The following NUDT6 variants were observed in gnomAD, a reference collection of about 807,000 sequenced individuals.
NUDT6 encodes the protein nudix hydrolase 6.
NUDT6 carries 24 observed loss-of-function variants against 36.8 expected under a neutral mutation model. That is an observed-to-expected ratio of 0.65 (90% confidence interval 0.47 to 0.92). NUDT6 has a LOEUF of 0.92. NUDT6 is among the 40% of genes least tolerant of loss of function. The pLI is 0.00. For missense variants in NUDT6, 388 were observed against 392.8 expected, an observed-to-expected ratio of 0.99 and a Z score of 0.10; for synonymous variants, 163 against 157.0, an observed-to-expected ratio of 1.04 and a Z score of -0.29.
chr4:122,914,498 G>C (rs867387885), intron 2 of NUDT6, among the ~76,000 whole-genome samples: 11 of 152,162 alleles, frequency 7.2e-5, no homozygotes, highest in Middle Eastern at 3.2e-3. Flanking sequence ...AGCACAATTT[G>C]AGCGACCTCT....
At chr4:122,911,128 C>T (rs1366334394) in intron 3 of NUDT6, among the ~76,000 whole-genome samples, 1 of 152,080 alleles carries the variant, frequency 6.6e-6, no homozygotes, top group Non-Finnish European at 1.5e-5. Flanking sequence ...GTTATAATAT[C>T]CACTCTGGGT....
chr4:122,907,544 G>A (rs1266950725), intron 3 of NUDT6, among the ~76,000 whole-genome samples: 5 of 147,576 alleles, frequency 3.4e-5, no homozygotes, highest in African/African-American at 1.2e-4. Context: ...TCCACCTCCC[G>A]GGTTCATGCC....
chr4:122,917,377 C>T lies in NUDT6; in HGVS notation c.442+124G>A, dbSNP rs1455316860. 1.1e-5 allele frequency: 9 copies of T among 856,882 alleles called. No homozygotes were observed. The Admixed American group carries it at 1.6e-4, about 15-fold the overall frequency. 53.1% of individuals were successfully genotyped at this position (856,882 alleles called of 1,614,324 possible). On this transcript the variant is annotated intron_variant, in intron 2 of 4. Coordinates refer to ENST00000304430, the MANE Select transcript of NUDT6 (RefSeq NM_007083.5). ...ACATCCTGTGCAGATAGGGTGGAAC[C>T]ACCGTAATCATTTAATCAAATAACT... is the stretch of plus-strand genomic sequence containing the variant.
intron 1 of NUDT6, chr4:122,920,275 A>G (rs1262952028): frequency 1.3e-5 from 2 of 152,194 alleles, no homozygotes; most frequent in Non-Finnish European, 2.9e-5. Flanking sequence ...TGCAGTAAGA[A>G]AGGTGTAGAG....
At chr4:122,893,865 T>C (rs1179675098) in intron 4 of NUDT6, 1 of 152,234 alleles carries the variant, frequency 6.6e-6, no homozygotes, top group Non-Finnish European at 1.5e-5. Context: ...TCTCCCAAAG[T>C]ATTTAGGAGA....
rs780435215 is a variant in NUDT6 at position 122,922,398 on chromosome 4, G to T, written c.175C>A (p.Arg59Ser). 1.9e-6 allele frequency: 3 copies of T among 1,609,182 alleles called. No individual in the cohort carries two copies. Among genetic ancestry groups the T allele is most frequent in the Non-Finnish European group, 2.5e-6 (3 of 1,179,670 alleles). ...TCCAGCGCATCGAGCCGCGCCAGGC[G>T]CACCGAGATGCCCCCGAATCTGTCC... ...ELDRFGGISV[R>S]LARLDALDRL... Residue 59 changes from arginine (R) to serine (S), a missense_variant, in exon 1 of 5, where the codon CGC becomes AGC. Arg to Ser is a moderately radical substitution (Grantham distance 110). Transcript: ENST00000304430.
At chr4:122,912,651 G>T in intron 2 of NUDT6, 28 bp from the exon 3 acceptor site, 2 of 1,372,838 alleles carry the variant, frequency 1.5e-6, no homozygotes, top group South Asian at 2.3e-5. Context: ...AAAGATAATT[G>T]AGAAATATTA....
intron 3 of NUDT6, 73 bp from the exon 4 acceptor site, chr4:122,897,751 C>T (rs1450978340): frequency 1.9e-6 from 2 of 1,056,236 alleles, no homozygotes; most frequent in Non-Finnish European, 3.0e-6. Context: ...TTCACAAAAT[C>T]CACCTATAAT....
Position 122,922,568 on chromosome 4 carries a change from C to G in NUDT6, c.5G>C (p.Arg2Pro), listed in dbSNP as rs754264116. ...CCAGCGGCCCCAGCTCAGTGGCTGC[C>G]GCATCTCCACGCCGCTTAATTCGTC... M[R>P]QPLSWGRWRA... The change falls in exon 1 of 5, where the codon CGG (arginine) becomes CCG (proline). Residue 2 changes from arginine to proline, a missense_variant. Arg to Pro is a moderately radical substitution (Grantham distance 103, BLOSUM62 -2). Transcript: ENST00000304430. 1.3e-6 allele frequency: 2 copies of G among 1,592,816 alleles called. No individual in the cohort carries two copies.
intron 2 of NUDT6, among the ~76,000 whole-genome samples, chr4:122,915,463 C>A (rs1727809886): frequency 1.1e-5 from 1 of 92,592 alleles, no homozygotes; most frequent in African/African-American, 5.2e-5. Flanking sequence ...AAGTGAGACC[C>A]TGCCTCAAAA....
chr4:122,899,044 ATTTT>A (rs113708696), intron 3 of NUDT6, among the ~76,000 whole-genome samples: 11 of 69,428 alleles, frequency 1.6e-4, no homozygotes, highest in Non-Finnish European at 3.0e-4. Flanking sequence ...ACCACACCTA[ATTTT>A]TTTTTTTTTT....
In NUDT6 at chr4:122,922,421, T is replaced by C. The variant is rs371717125; in HGVS notation, c.152A>G (p.Asp51Gly). 6 of 1,611,524 alleles carry C rather than the reference T, an allele frequency of 3.7e-6. No homozygotes were observed. The highest frequency in any genetic ancestry group is 5.1e-6 in the Non-Finnish European group (6 of 1,179,810). ...VGACDLQGEL[D>G]RFGGISVRLA... Reference sequence around the variant, plus strand: ...GCGCACCGAGATGCCCCCGAATCTGTCCAGCTCGCCCTGCAGATCGCACGC... The same window carrying C: ...GCGCACCGAGATGCCCCCGAATCTGCCCAGCTCGCCCTGCAGATCGCACGC... The change falls in exon 1 of 5, where the codon GAC (aspartate) becomes GGC (glycine). Residue 51 changes from aspartate (D) to glycine (G), a missense_variant. Coordinates refer to ENST00000304430, the MANE Select transcript of NUDT6 (RefSeq NM_007083.5).
rs1423313325 is a variant in NUDT6 at position 122,922,584 on chromosome 4, T to C, written c.-12A>G. 6.3e-7 allele frequency: 1 copy of C among 1,587,976 alleles called. No individual in the cohort carries two copies. The highest frequency in any genetic ancestry group is 8.5e-7 in the Non-Finnish European group (1 of 1,172,430). On this transcript the variant is annotated 5_prime_UTR_variant, in exon 1 of 5. Transcript: ENST00000304430. ...AGTGGCTGCCGCATCTCCACGCCGCTTAATTCGTCCGTTGCCCAAATGACC... is the reference window on the plus strand; with the variant it reads ...AGTGGCTGCCGCATCTCCACGCCGCCTAATTCGTCCGTTGCCCAAATGACC...
At chr4:122,907,146 TTTTGAGAC>T (rs1727631557) in intron 3 of NUDT6, among the ~76,000 whole-genome samples, 1 of 152,170 alleles carries the variant, frequency 6.6e-6, no homozygotes, top group Admixed American at 6.5e-5. Flanking sequence ...TCTTTCTTTT[TTTTGAGAC>T]GAGTCTCACT....
intron 1 of NUDT6, chr4:122,921,590 T>A (rs1223790392): frequency 2.0e-4 from 13 of 66,376 alleles, no homozygotes; most frequent in African/African-American, 8.4e-4. Flanking sequence ...AATGATACCC[T>A]CTCTCAAAAA....
intron 4 of NUDT6, chr4:122,893,616 C>T (rs181591190): frequency 1.0e-3 from 166 of 158,310 alleles, no homozygotes; most frequent in Admixed American, 2.8e-3. Context: ...AACTTAGATT[C>T]ATTTCTTCAA....
intron 3 of NUDT6, among the ~76,000 whole-genome samples, chr4:122,908,645 T>C (rs934077019): frequency 2.0e-5 from 3 of 152,230 alleles, no homozygotes; most frequent in Non-Finnish European, 2.9e-5. Context: ...CCTCTTGAGA[T>C]GCATTTCCCA....
chr4:122,896,035 T>C (rs1727340199), intron 4 of NUDT6: 1 of 152,618 alleles, frequency 6.6e-6, no homozygotes, highest in Admixed American at 6.5e-5. Context: ...GCTTTCAGGG[T>C]TTTATGAATT....
At position 122,915,711 on chromosome 4, in the gene NUDT6, C is replaced by T. The variant is rs549383875; in HGVS notation, c.442+1790G>A. ...AGGATACTCTTTTTGCATATATTAC[C>T]AATTCTGTAGTAATAACTGGGAACT... On this transcript the variant is annotated intron_variant, in intron 2 of 4. Transcript: ENST00000304430. 9.2e-5 allele frequency among the ~76,000 whole-genome samples: 14 copies of T among 152,154 alleles called. No homozygotes were observed. In the East Asian group the frequency reaches 2.7e-3, roughly 29 times the overall value.
Sources: gnomAD v4.1 joint callset for allele counts (sites outside exome capture counted in the v4.1 genomes callset) on GRCh38, gnomAD v4.1.1 for gene constraint, MANE v1.5 for transcripts, NCBI Gene and HGNC (gene_info 2026-07-23, HGNC 2026-07-21) for gene names.